ZNF597: variants seen among roughly 807,000 people sequenced by gnomAD.
The protein encoded by ZNF597 is zinc finger protein 597.
A neutral mutation model predicts 7.3 loss-of-function variants in ZNF597; 5 were observed. The observed-to-expected ratio is 0.68, with a 90% confidence interval of 0.36 to 1.44. ZNF597 has a LOEUF of 1.44. Ranked by LOEUF, ZNF597 falls within the 40% of genes most tolerant of loss-of-function variation. The probability of loss-of-function intolerance (pLI) is 0.04; values close to 1 mark genes in which losing one functional copy is unlikely to be tolerated. For synonymous variants in ZNF597, 209 were observed against 185.4 expected (o/e 1.13, Z -1.04); for missense variants, 585 against 517.9 (o/e 1.13, Z -1.26).
intron 2 of ZNF597, among the ~76,000 whole-genome samples, chr16:3,442,647 C>T (rs567728074): frequency 6.1e-4 from 92 of 150,256 alleles, no homozygotes; most frequent in African/African-American, 2.2e-3. Context: ...TGCACTCCAG[C>T]CTGGGCGACA....
chr16:3,439,444 C>T (rs995780982), intron 3 of ZNF597, among the ~76,000 whole-genome samples: 7 of 152,066 alleles, frequency 4.6e-5, no homozygotes, highest in Admixed American at 2.0e-4. Context: ...GAAGAAACTA[C>T]CCAATGCCGT....
chr16:3,442,401 C>A lies in ZNF597; in HGVS notation c.33+720G>T, dbSNP rs186653029. 3.2e-4 allele frequency among the ~76,000 whole-genome samples: 49 copies of A among 152,234 alleles called. No homozygotes were observed. The East Asian group carries it at 9.3e-3, about 29-fold the overall frequency. ...CTCCATAAAGAAGTTTTAGGCCGGG[C>A]GCAGTGGCTCACACCTGTAATTCCA... On this transcript the variant is annotated intron_variant, in intron 2 of 3. Coordinates refer to ENST00000301744, the MANE Select transcript of ZNF597 (RefSeq NM_152457.3).
At chr16:3,442,097 C>G (rs1053435555) in intron 2 of ZNF597, among the ~76,000 whole-genome samples, 1 of 152,220 alleles carries the variant, frequency 6.6e-6, no homozygotes, top group Non-Finnish European at 1.5e-5. Context: ...CTCTCGTCCC[C>G]ATGACACTCA....
At position 3,433,568 on chromosome 16, in the gene ZNF597, A is replaced by G. The variant is rs1205807726; in HGVS notation, c.*2856T>C. The stretch of plus-strand genomic sequence containing the variant: ...TAACTTTTATCCAGTATTTGTGAAT[A>G]GCACCTAACATGGAAGGCTAGTATC... On this transcript the variant is annotated 3_prime_UTR_variant, in exon 4 of 4. Coordinates refer to ENST00000301744, the MANE Select transcript of ZNF597 (RefSeq NM_152457.3). 6.7e-6 allele frequency: 1 copy of G among 149,714 alleles called. No homozygotes were observed. Among genetic ancestry groups the G allele is most frequent in the African/African-American group, 2.5e-5 (1 of 39,802 alleles). The allele number at this position is 149,714 out of a possible 1,614,324, so 9.3% of individuals were successfully genotyped here.
Position 3,436,882 on chromosome 16 carries a change from A to C in ZNF597, c.817T>G (p.Cys273Gly), listed in dbSNP as rs201612773. The change falls in exon 4 of 4, where the codon TGT becomes GGT. Residue 273 changes from cysteine to glycine, a missense_variant. Transcript: ENST00000301744. The part of the protein sequence containing the change: ...SAENTYESTN[C>G]DKHFNEKPNL... ...GGTTTCTCATTAAAATGTTTATCAC[A>C]GTTAGTAGATTCGTAGGTGTTTTCA... The C allele has an allele frequency of 6.2e-7, 1 of 1,614,050 alleles. No homozygotes were observed. The highest frequency in any genetic ancestry group is 1.3e-5 in the African/African-American group (1 of 74,922).
At position 3,440,918 on chromosome 16, in the gene ZNF597, CAA is replaced by C. The variant is rs2034361075; in HGVS notation, c.47_48del (p.Phe16Ter). On this transcript the variant is annotated frameshift_variant, in exon 3 of 4. Transcript: ENST00000301744. LOFTEE classifies it high-confidence loss of function. ...TGAGAAAAATACACAGCCAGATCCT[CAA>C]AGAGTATTGGTCCCTGAAACACAAG... ...PTPEAQGPIL[F>X]EDLAVYFSQE... 1 of 1,613,744 alleles carries C rather than the reference CAA, an allele frequency of 6.2e-7. No homozygotes were observed. The highest frequency in any genetic ancestry group is 8.5e-7 in the Non-Finnish European group (1 of 1,179,872).
intron 2 of ZNF597, among the ~76,000 whole-genome samples, chr16:3,442,653 C>T (rs2034402734): frequency 6.9e-6 from 1 of 145,406 alleles, no homozygotes; most frequent in Admixed American, 7.0e-5. Flanking sequence ...CCAGCCTGGG[C>T]GACAGAGCGA....
chr16:3,441,222 G>C (rs993303475), intron 2 of ZNF597, among the ~76,000 whole-genome samples: 1 of 152,136 alleles, frequency 6.6e-6, no homozygotes, highest in South Asian at 2.1e-4. Context: ...CTCTTAGGGA[G>C]GCAACCATTA....
Position 3,443,473 on chromosome 16 carries a change from T to C in ZNF597, c.-167A>G, listed in dbSNP as rs921119216. On this transcript the variant is annotated 5_prime_UTR_variant, in exon 1 of 4. The change abolishes an upstream ATG in the 5' untranslated region. Transcript: ENST00000301744. ...CCACTGCAAAACTCCCACGCTCTCA[T>C]GCTCCTTTACGCAGGAGCTGCGGGA... 14 of 521,902 alleles carry C rather than the reference T, an allele frequency of 2.7e-5. No homozygotes were observed. Among genetic ancestry groups the C allele is most frequent in the South Asian group, 5.7e-5 (2 of 35,368 alleles). The allele number at this position is 521,902 out of a possible 1,614,324, so 32.3% of individuals were successfully genotyped here.
At chr16:3,438,046 G>A (rs1343294702) in intron 3 of ZNF597, among the ~76,000 whole-genome samples, 1 of 152,080 alleles carries the variant, frequency 6.6e-6, no homozygotes, top group African/African-American at 2.4e-5. Flanking sequence ...GGGCAACACA[G>A]TGAGACCCCA....
chr16:3,437,531 TTCC>T lies in ZNF597; in HGVS notation c.165_167del (p.Glu56del). 8.2e-6 allele frequency: 13 copies of T among 1,591,426 alleles called. No individual in the cohort carries two copies. The highest frequency in any genetic ancestry group is 1.1e-5 in the Non-Finnish European group (13 of 1,171,646). On this transcript the variant is annotated inframe_deletion, in exon 4 of 4. Coordinates refer to ENST00000301744, the MANE Select transcript of ZNF597 (RefSeq NM_152457.3). ...ACTGCTGATTAATCTCAGGCTTGCCTTCCTCTCCTGTTGATAAAAACAAAAGAA... is the reference window on the plus strand; with the variant it reads ...ACTGCTGATTAATCTCAGGCTTGCCTTCTCCTGTTGATAAAAACAAAAGAA...
At position 3,437,305 on chromosome 16, in the gene ZNF597, G is replaced by C; in HGVS notation, c.394C>G (p.Leu132Val). 1 of 1,614,190 alleles carries C rather than the reference G, an allele frequency of 6.2e-7. No individual in the cohort carries two copies. Among genetic ancestry groups the C allele is most frequent in the African/African-American group, 1.3e-5 (1 of 75,044 alleles). ...TIENHTPLVELSEYLGTNTLS... is the reference protein window; with the variant it reads ...TIENHTPLVEVSEYLGTNTLS... ...GTGTTGGTTCCTAAATATTCAGAGA[G>C]TTCTACTAATGGGGTGTGGTTTTCA... Residue 132 changes from leucine (L) to valine (V), a missense_variant, in exon 4 of 4, where the codon CTC becomes GTC. Transcript: ENST00000301744.
rs115687134 is a variant in ZNF597 at position 3,439,719 on chromosome 16, C to T, written c.160+1088G>A. On this transcript the variant is annotated intron_variant, in intron 3 of 3. Transcript: ENST00000301744. Reference sequence around the variant, plus strand: ...GTCCAAAATATTTTTAAAAATACAACGAAATCCCGGGTCCAACAACATAAA... The same window carrying T: ...GTCCAAAATATTTTTAAAAATACAATGAAATCCCGGGTCCAACAACATAAA... Among the ~76,000 whole-genome samples the T allele has an allele frequency of 3.6e-3, 549 of 151,622 alleles. 2 individuals are homozygous for T. Among genetic ancestry groups the T allele is most frequent in the African/African-American group, 0.011 (450 of 41,382 alleles).
chr16:3,437,457 G>A lies in ZNF597; in HGVS notation c.242C>T (p.Pro81Leu). 6.2e-7 allele frequency: 1 copy of A among 1,614,106 alleles called. No homozygotes were observed. The highest frequency in any genetic ancestry group is 8.5e-7 in the Non-Finnish European group (1 of 1,180,018). ...GTAAGGGACAAGGGGTGCAGCAATG[G>A]GGTACTTTTCTAAGGCAAGCTCGTC... Reference protein sequence around the residue: ...ELDELALEKYPIAAPLVPYPE... With the variant: ...ELDELALEKYLIAAPLVPYPE... Residue 81 changes from proline to leucine, a missense_variant, in exon 4 of 4, where the codon CCC becomes CTC. By Grantham distance (98) the Pro-to-Leu change is moderately conservative (BLOSUM62 -3). Transcript: ENST00000301744.
intron 3 of ZNF597, among the ~76,000 whole-genome samples, chr16:3,438,427 G>A (rs2034328009): frequency 6.6e-6 from 1 of 151,878 alleles, no homozygotes; most frequent in Non-Finnish European, 1.5e-5. Flanking sequence ...GCTGGGCGTG[G>A]TGGCCTGCGC....
Position 3,436,474 on chromosome 16 carries a change from T to G in ZNF597, c.1225A>C (p.Asn409His). Reference sequence around the variant, plus strand: ...CGCTTATGAGTAATGAGATGCAAATTCGACTTGAAAGTTTTCCCACACACG... The same window carrying G: ...CGCTTATGAGTAATGAGATGCAAATGCGACTTGAAAGTTTTCCCACACACG... Reference protein sequence around the residue: ...CTVCGKTFKSNLHLITHKRTH... With the variant: ...CTVCGKTFKSHLHLITHKRTH... The change falls in exon 4 of 4, where the codon AAT (asparagine) becomes CAT (histidine). Residue 409 changes from asparagine (N) to histidine (H), a missense_variant. Transcript: ENST00000301744. 3 of 1,614,198 alleles carry G rather than the reference T, an allele frequency of 1.9e-6. No individual in the cohort carries two copies. Among genetic ancestry groups the G allele is most frequent in the Non-Finnish European group, 2.5e-6 (3 of 1,180,032 alleles).
rs1427898468 is a variant in ZNF597 at position 3,434,758 on chromosome 16, G to C, written c.*1666C>G. 1 of 152,078 alleles carries C rather than the reference G, an allele frequency of 6.6e-6. No individual in the cohort carries two copies. 9.4% of individuals were successfully genotyped at this position (152,078 alleles called of 1,614,324 possible). ...CCTTCTGCTACCTTCCATATAATTA[G>C]TCCTCAAGAGTCCTTTATCTTTTCT... On this transcript the variant is annotated 3_prime_UTR_variant, in exon 4 of 4. Coordinates refer to ENST00000301744, the MANE Select transcript of ZNF597 (RefSeq NM_152457.3).
chr16:3,442,556 T>G (rs185717380), intron 2 of ZNF597, among the ~76,000 whole-genome samples: 1 of 151,796 alleles, frequency 6.6e-6, no homozygotes, highest in East Asian at 1.9e-4. Context: ...GCGCCTGTAG[T>G]CCCATCTACT....
At chr16:3,440,739 G>C (rs1219658908) in intron 3 of ZNF597, 68 bp downstream of exon 3, 3 of 1,590,780 alleles carry the variant, frequency 1.9e-6, no homozygotes, top group East Asian at 4.5e-5. Context: ...CCAACATCTG[G>C]ATAAAGCATG....
Sources: gnomAD v4.1 joint callset for allele counts (sites outside exome capture counted in the v4.1 genomes callset) on GRCh38, gnomAD v4.1.1 for gene constraint, MANE v1.5 for transcripts, NCBI Gene and HGNC (gene_info 2026-07-23, HGNC 2026-07-21) for gene names.